C12orf54: variants seen among roughly 807,000 people sequenced by gnomAD.
C12orf54 encodes the protein uncharacterized protein C12orf54.
Under a neutral mutation model 26.4 loss-of-function variants are expected in C12orf54, and 24 were observed. The observed-to-expected ratio is 0.91, with a 90% CI of 0.66 to 1.28. The LOEUF (loss-of-function observed/expected upper bound fraction) is 1.28. Among genes scored for constraint, C12orf54 ranks in the 50% most tolerant of loss-of-function variants. The pLI is 0.00. For synonymous variants in C12orf54, 54 were observed against 47.0 expected (o/e 1.15, Z -0.61); for missense variants, 154 against 150.9 (o/e 1.02, Z -0.11).
chr12:48,433,454 TTGG>T, the C12orf54 span, among the ~76,000 whole-genome samples: 30 of 35,454 alleles, frequency 8.5e-4, no homozygotes, highest in East Asian at 2.9e-3. Context: ...AAGCTTTTTT[TTGG>T]GGGGGGGGGG....
the C12orf54 span, among the ~76,000 whole-genome samples, chr12:48,418,175 G>A: frequency 9.1e-4 from 138 of 152,300 alleles, no homozygotes; most frequent in African/African-American, 3.2e-3. Flanking sequence ...GTTGGGAATA[G>A]GGATTCCTTA....
chr12:48,463,711 A>G, the C12orf54 span, among the ~76,000 whole-genome samples: 1 of 152,158 alleles, frequency 6.6e-6, no homozygotes, highest in Admixed American at 6.5e-5. Flanking sequence ...ATCCAGCAGC[A>G]TATCAAAAAG....
the C12orf54 span, among the ~76,000 whole-genome samples, chr12:48,441,291 A>C: frequency 2.6e-5 from 4 of 152,194 alleles, no homozygotes; most frequent in Non-Finnish European, 5.9e-5. Flanking sequence ...TGCTGCATGC[A>C]AAAAGGCTGA....
rs775593080 is a variant in C12orf54, at chr12:48,494,935, C to T, written c.380C>T (p.Pro127Leu). ...AGTCAATCAGCTTACTACCCTGGACCCTAACTCTACAATCAAGGAAGAAGG... is the reference window on the plus strand; with the variant it reads ...AGTCAATCAGCTTACTACCCTGGACTCTAACTCTACAATCAAGGAAGAAGG... ...LFSQSAYYPG[P>L] Residue 127 changes from proline (P) to leucine (L), a missense_variant, in exon 8 of 9, where the codon CCC becomes CTC. Coordinates refer to ENST00000548364, the MANE Select transcript of C12orf54 (RefSeq NM_152319.4). 6.2e-7 allele frequency: 1 copy of T among 1,612,982 alleles called. No homozygotes were observed. The highest frequency in any genetic ancestry group is 1.7e-5 in the Admixed American group (1 of 59,984).
chr12:48,491,946 G>A (rs996412537), intron 6 of C12orf54, among the ~76,000 whole-genome samples: 15 of 152,256 alleles, frequency 9.9e-5, no homozygotes, highest in African/African-American at 3.6e-4. Flanking sequence ...CTCGTATGGT[G>A]CCAAAGCTCT....
the C12orf54 span, among the ~76,000 whole-genome samples, chr12:48,461,763 G>A: frequency 6.6e-6 from 1 of 151,952 alleles, no homozygotes; most frequent in South Asian, 2.1e-4. Context: ...AGAGGGAAAT[G>A]TATAGGATTA....
At chr12:48,477,496 C>T in the C12orf54 span, among the ~76,000 whole-genome samples, 1 of 152,072 alleles carries the variant, frequency 6.6e-6, no homozygotes, top group Admixed American at 6.6e-5. Flanking sequence ...TGATAGACCT[C>T]TAGCAAGACT....
the C12orf54 span, among the ~76,000 whole-genome samples, chr12:48,429,022 C>G: frequency 6.6e-6 from 1 of 152,098 alleles, no homozygotes; most frequent in East Asian, 1.9e-4. Context: ...ATACGCAAGT[C>G]AATAAATGTG....
chr12:48,494,048 G>C (rs2731109), intron 7 of C12orf54, among the ~76,000 whole-genome samples: 1 of 103,252 alleles, frequency 9.7e-6, no homozygotes, highest in Admixed American at 1.1e-4. Flanking sequence ...GTGAAACCCC[G>C]TCTCTACTAA....
At chr12:48,462,454 C>A in the C12orf54 span, among the ~76,000 whole-genome samples, 2 of 151,422 alleles carry the variant, frequency 1.3e-5, no homozygotes, top group African/African-American at 4.8e-5. Context: ...AACCAGAGAG[C>A]AATATCATTC....
intron 4 of C12orf54, among the ~76,000 whole-genome samples, chr12:48,487,123 G>A (rs575466461): frequency 1.3e-5 from 2 of 152,332 alleles, no homozygotes; most frequent in Admixed American, 6.5e-5. Flanking sequence ...TATATGTGCA[G>A]AAGCTAGTAA....
the C12orf54 span, among the ~76,000 whole-genome samples, chr12:48,414,389 A>C: frequency 6.6e-6 from 1 of 152,256 alleles, no homozygotes; most frequent in Non-Finnish European, 1.5e-5. Flanking sequence ...TTTCTTTTCC[A>C]ACCAGTTGAC....
upstream of C12orf54, among the ~76,000 whole-genome samples, chr12:48,479,572 G>A (rs992515449): frequency 7.9e-5 from 12 of 151,242 alleles, no homozygotes; most frequent in Admixed American, 6.6e-4. Context: ...AGTGCTGGAG[G>A]CGTTGCTACA....
the C12orf54 span, among the ~76,000 whole-genome samples, chr12:48,419,322 G>C: frequency 1.3e-5 from 2 of 152,176 alleles, no homozygotes; most frequent in East Asian, 1.9e-4. Flanking sequence ...TCTTTGGAAG[G>C]GTTTTAAGCC....
chr12:48,440,029 A>G, the C12orf54 span, among the ~76,000 whole-genome samples: 1 of 152,204 alleles, frequency 6.6e-6, no homozygotes, highest in Non-Finnish European at 1.5e-5. Context: ...GTTCGAGACC[A>G]GCCTGGCCAA....
chr12:48,455,944 A>T, the C12orf54 span, among the ~76,000 whole-genome samples: 611 of 152,326 alleles, frequency 4.0e-3, 3 homozygotes, highest in African/African-American at 0.014. Context: ...GATAATAATT[A>T]AAAAATAACG....
At chr12:48,490,980 A>ATCT (rs1937777914) in intron 6 of C12orf54, 144 bp downstream of exon 6, 2 of 989,092 alleles carry the variant, frequency 2.0e-6, no homozygotes, top group African/African-American at 3.2e-5. Flanking sequence ...TCACCCTAGG[A>ATCT]TCTTCCATTT....
chr12:48,445,858 G>A, the C12orf54 span, among the ~76,000 whole-genome samples: 3 of 152,172 alleles, frequency 2.0e-5, no homozygotes, highest in African/African-American at 7.2e-5. Flanking sequence ...AAGTGATGTT[G>A]AGGAGCAGAC....
At chr12:48,473,115 G>A in the C12orf54 span, 1 of 1,612,600 alleles carries the variant, frequency 6.2e-7, no homozygotes, top group Non-Finnish European at 8.5e-7. Context: ...CTGTGACCCG[G>A]ATGACAAGGA....
Sources: gnomAD v4.1 joint callset for allele counts (sites outside exome capture counted in the v4.1 genomes callset) on GRCh38, gnomAD v4.1.1 for gene constraint, MANE v1.5 for transcripts, NCBI Gene and HGNC (gene_info 2026-07-23, HGNC 2026-07-21) for gene names.